The following TTBK2 variants were observed in gnomAD, a reference collection of about 807,000 sequenced individuals.
TTBK2 encodes the protein tau tubulin kinase 2.
A neutral mutation model predicts 110.8 loss-of-function variants in TTBK2; 28 were observed. The observed-to-expected ratio is 0.25, with a 90% CI of 0.19 to 0.35. The LOEUF (loss-of-function observed/expected upper bound fraction) is 0.35, where lower values mean the gene tolerates loss of function less well. TTBK2 is among the 10% of genes least tolerant of loss of function. The probability of loss-of-function intolerance (pLI) is 1.00; values close to 1 mark genes in which losing one functional copy is unlikely to be tolerated. For missense variants in TTBK2, 1,369 were observed against 1,500.3 expected, an observed-to-expected ratio of 0.91 and a Z score of 1.45; for synonymous variants, 532 against 527.3, an observed-to-expected ratio of 1.01 and a Z score of -0.12.
intron 2 of TTBK2, 121 bp from the exon 3 acceptor site, chr15:42,872,879 A>C (rs1052806675): frequency 1.8e-5 from 22 of 1,211,132 alleles, no homozygotes; most frequent in Admixed American, 2.7e-5. Flanking sequence ...TAAAATATTT[A>C]AATATTGTTA....
At chr15:42,848,898 T>C (rs1412791278) in intron 3 of TTBK2, among the ~76,000 whole-genome samples, 1 of 152,246 alleles carries the variant, frequency 6.6e-6, no homozygotes, top group African/African-American at 2.4e-5. Flanking sequence ...CACAGAAATA[T>C]GGTTGCTTTT....
At chr15:42,850,951 C>T (rs1228686558) in intron 3 of TTBK2, among the ~76,000 whole-genome samples, 1 of 151,770 alleles carries the variant, frequency 6.6e-6, no homozygotes, top group Non-Finnish European at 1.5e-5. Flanking sequence ...TATGGCCAGG[C>T]GCGGTGGCTC....
At chr15:42,891,110 G>A (rs919380132) in intron 1 of TTBK2, among the ~76,000 whole-genome samples, 4 of 151,500 alleles carry the variant, frequency 2.6e-5, no homozygotes, top group African/African-American at 9.7e-5. Context: ...CTGACCTCAG[G>A]TGATCCACCC....
chr15:42,863,471 G>T (rs1243101722), intron 3 of TTBK2, among the ~76,000 whole-genome samples: 2 of 152,046 alleles, frequency 1.3e-5, no homozygotes, highest in Non-Finnish European at 2.9e-5. Flanking sequence ...TGGACTGGAA[G>T]AATCAGTATT....
At chr15:42,765,207 C>T (rs891146356) in intron 13 of TTBK2, among the ~76,000 whole-genome samples, 2 of 152,182 alleles carry the variant, frequency 1.3e-5, no homozygotes, top group Non-Finnish European at 2.9e-5. Flanking sequence ...AGCACCTCTT[C>T]CCCTCCAAAG....
chr15:42,760,502 G>A (rs1049356963), intron 13 of TTBK2, among the ~76,000 whole-genome samples: 3 of 151,758 alleles, frequency 2.0e-5, no homozygotes, highest in African/African-American at 7.3e-5. Context: ...CAGGTCTTTT[G>A]AATAACTCAG....
chr15:42,885,326 C>T (rs1204892390), intron 1 of TTBK2, among the ~76,000 whole-genome samples: 2 of 152,224 alleles, frequency 1.3e-5, no homozygotes, highest in Non-Finnish European at 1.5e-5. Context: ...GATTTTAAAT[C>T]GGGTAAGCAG....
At chr15:42,793,051 T>C (rs1006397282) in intron 10 of TTBK2, among the ~76,000 whole-genome samples, 8 of 152,178 alleles carry the variant, frequency 5.3e-5, no homozygotes, top group Non-Finnish European at 1.2e-4. Context: ...GCCACTAATA[T>C]TTACCTAAAG....
At chr15:42,908,687 T>C (rs1339414555) in intron 1 of TTBK2, among the ~76,000 whole-genome samples, 1 of 152,200 alleles carries the variant, frequency 6.6e-6, no homozygotes, top group African/African-American at 2.4e-5. Flanking sequence ...GGGAATGTAC[T>C]TTGAAAATGG....
intron 13 of TTBK2, among the ~76,000 whole-genome samples, chr15:42,758,445 CA>C (rs1157246440): frequency 6.6e-6 from 1 of 152,066 alleles, no homozygotes; most frequent in African/African-American, 2.4e-5. Context: ...CACCTGAGGT[CA>C]GGAGTTCAAG....
In TTBK2 at chr15:42,804,059, C is replaced by T. The variant is rs139678159; in HGVS notation, c.822+6555G>A. On this transcript the variant is annotated intron_variant, in intron 9 of 14. Transcript: ENST00000267890. ...GAGAGATGATTACAAGCAAATGCAG[C>T]ATCACTGTGGTACATGTAAAACTAC... Among the ~76,000 whole-genome samples the T allele has an allele frequency of 3.7e-3, 537 of 147,038 alleles. 2 individuals carry two copies. Among genetic ancestry groups the T allele is most frequent in the African/African-American group, 0.013 (512 of 39,552 alleles).
At chr15:42,852,141 C>A (rs1893745095) in intron 3 of TTBK2, among the ~76,000 whole-genome samples, 1 of 151,774 alleles carries the variant, frequency 6.6e-6, no homozygotes, top group South Asian at 2.1e-4. Context: ...GCGATCTCGG[C>A]TCACTGCAAC....
At chr15:42,763,069 T>G in intron 13 of TTBK2, among the ~76,000 whole-genome samples, 1 of 133,322 alleles carries the variant, frequency 7.5e-6, no homozygotes, top group African/African-American at 2.9e-5. Context: ...TATAGGATGA[T>G]TACAGTTAAC....
At chr15:42,883,377 CAA>C (rs1213212728) in intron 1 of TTBK2, among the ~76,000 whole-genome samples, 10 of 50,246 alleles carry the variant, frequency 2.0e-4, no homozygotes, top group Non-Finnish European at 1.6e-4. Flanking sequence ...AACTCCACCT[CAA>C]AAAAAAAAAA....
At chr15:42,763,143 C>CATATATATATATATAT (rs1225785018) in intron 13 of TTBK2, among the ~76,000 whole-genome samples, 1 of 51,152 alleles carries the variant, frequency 2.0e-5, no homozygotes, top group Non-Finnish European at 3.1e-5. Flanking sequence ...TATATACATA[C>CATATATATATATATAT]ATATATATAT....
At chr15:42,784,088 A>G (rs1278770873) in intron 10 of TTBK2, among the ~76,000 whole-genome samples, 1 of 151,676 alleles carries the variant, frequency 6.6e-6, no homozygotes, top group African/African-American at 2.4e-5. Flanking sequence ...CAAAAACAAA[A>G]GAAAAAGAAA....
chr15:42,771,926 C>T (rs918548987), intron 13 of TTBK2, among the ~76,000 whole-genome samples: 1 of 151,988 alleles, frequency 6.6e-6, no homozygotes, highest in African/African-American at 2.4e-5. Flanking sequence ...TTAGTGCCCT[C>T]GGTACGAAAA....
intron 13 of TTBK2, among the ~76,000 whole-genome samples, chr15:42,761,479 T>C (rs2062025094): frequency 1.4e-5 from 2 of 146,216 alleles, no homozygotes; most frequent in Admixed American, 6.9e-5. Context: ...AAACAGTCAA[T>C]AGAGTGAAAA....
chr15:42,816,848 G>T (rs1202977769), intron 7 of TTBK2, among the ~76,000 whole-genome samples, 184 bp downstream of exon 7: 1 of 151,936 alleles, frequency 6.6e-6, no homozygotes, highest in Non-Finnish European at 1.5e-5. Flanking sequence ...GAACCCGGGA[G>T]GCAGAGGTTG....
Sources: allele counts gnomAD v4.1 joint callset (sites outside exome capture counted in the v4.1 genomes callset), GRCh38; gene constraint gnomAD v4.1.1; transcripts MANE v1.5; gene names NCBI Gene and HGNC (gene_info 2026-07-23, HGNC 2026-07-21).